PPP6R2: variants seen among roughly 807,000 people sequenced by gnomAD.
PPP6R2 encodes protein phosphatase 6 regulatory subunit 2, also known as serine/threonine-protein phosphatase 6 regulatory subunit 2.
In PPP6R2, 62 loss-of-function variants were observed where a neutral mutation model predicts 100.2. The ratio of observed to expected loss-of-function variants is 0.62; its 90% CI spans 0.50 to 0.76. The LOEUF (loss-of-function observed/expected upper bound fraction) is 0.76, where lower values mean the gene tolerates loss of function less well. Among genes scored for constraint, PPP6R2 ranks in the 30% least tolerant of loss-of-function variants. The pLI is 0.00. For synonymous variants in PPP6R2, 525 were observed against 514.7 expected, an observed-to-expected ratio of 1.02 and a Z score of -0.27; for missense variants, 1,142 against 1,276.3, an observed-to-expected ratio of 0.89 and a Z score of 1.60.
chr22:50,438,416 A>G lies in PPP6R2; in HGVS notation c.1964+118A>G, dbSNP rs1569494228. 4 of 1,501,046 alleles carry G rather than the reference A, an allele frequency of 2.7e-6. No individual in the cohort carries two copies. In the East Asian group the frequency reaches 6.8e-5, roughly 26 times the overall value. 93.0% of individuals were successfully genotyped at this position (1,501,046 alleles called of 1,614,324 possible). A position where few individuals can be genotyped will look rare whatever the true frequency, so the allele number is the denominator to read the frequency against. ...GCAGAGCAGCCACACCTGTCCTGCC[A>G]GCTCTGGGGCCCAATGCAGCGGGTG... On this transcript the variant is annotated intron_variant, in intron 18 of 23. Coordinates refer to ENST00000612753, the MANE Select transcript of PPP6R2 (RefSeq NM_001242898.2).
intron 4 of PPP6R2, 55 bp downstream of exon 4, chr22:50,406,930 C>T (rs941409321): frequency 3.7e-5 from 57 of 1,535,972 alleles, no homozygotes; most frequent in South Asian, 1.4e-4. Context: ...TGGATGCTGA[C>T]GTGTCCTGCT....
At chr22:50,401,363 C>T (rs1379199568) in intron 3 of PPP6R2, among the ~76,000 whole-genome samples, 3 of 151,308 alleles carry the variant, frequency 2.0e-5, no homozygotes, top group Non-Finnish European at 4.4e-5. Context: ...CCCACCACCA[C>T]GCCCGGCTAA....
intron 14 of PPP6R2, among the ~76,000 whole-genome samples, 186 bp downstream of exon 14, chr22:50,436,638 G>A (rs1196130132): frequency 2.6e-5 from 4 of 152,232 alleles, no homozygotes; most frequent in South Asian, 4.1e-4. Context: ...CAGAGACCCC[G>A]TCCTGTGCCA....
chr22:50,415,206 G>T (rs537280264), intron 5 of PPP6R2, among the ~76,000 whole-genome samples: 1 of 152,222 alleles, frequency 6.6e-6, no homozygotes. Flanking sequence ...ATAAGCCCAG[G>T]AAATCCGTGC....
chr22:50,336,538 G>A, the PPP6R2 span, among the ~76,000 whole-genome samples: 1 of 152,068 alleles, frequency 6.6e-6, no homozygotes, highest in African/African-American at 2.4e-5. Flanking sequence ...ACCATGCCCA[G>A]CTAATTTTTG....
At chr22:50,331,510 G>A in the PPP6R2 span, among the ~76,000 whole-genome samples, 5 of 152,018 alleles carry the variant, frequency 3.3e-5, no homozygotes, top group Admixed American at 2.0e-4. Context: ...TCTTGTGGGC[G>A]AGTTTGGCAT....
the PPP6R2 span, among the ~76,000 whole-genome samples, chr22:50,333,985 A>G: frequency 6.6e-6 from 1 of 152,230 alleles, no homozygotes; most frequent in Non-Finnish European, 1.5e-5. Context: ...GAGAGAGGAC[A>G]GGTAACGTCA....
chr22:50,420,331 G>A (rs1178401569), intron 8 of PPP6R2, among the ~76,000 whole-genome samples: 1 of 152,234 alleles, frequency 6.6e-6, no homozygotes, highest in Non-Finnish European at 1.5e-5. Flanking sequence ...TGGCAGAGGA[G>A]AGTGGAGCTT....
At chr22:50,420,126 G>T (rs993842092) in intron 8 of PPP6R2, among the ~76,000 whole-genome samples, 5 of 152,234 alleles carry the variant, frequency 3.3e-5, no homozygotes, top group African/African-American at 1.2e-4. Flanking sequence ...GGACAGCGAG[G>T]GTGATGCAGA....
At chr22:50,437,794 G>A (rs1465750875) in intron 16 of PPP6R2, 49 bp from the exon 17 acceptor site, 3 of 1,538,056 alleles carry the variant, frequency 2.0e-6, no homozygotes, top group Non-Finnish European at 2.6e-6. Flanking sequence ...GGCCCCAGAT[G>A]AGCAGTGGGC....
chr22:50,333,376 G>A, the PPP6R2 span, among the ~76,000 whole-genome samples: 31 of 146,516 alleles, frequency 2.1e-4, no homozygotes, highest in Admixed American at 1.0e-3. Context: ...TCGCTCTGTC[G>A]CCCAGGCTAG....
upstream of PPP6R2, among the ~76,000 whole-genome samples, chr22:50,339,554 GTGGT>G: frequency 7.2e-6 from 1 of 138,156 alleles, no homozygotes; most frequent in Non-Finnish European, 1.6e-5. Context: ...TGGTGTGTGT[GTGGT>G]GTGTGTGGTA....
intron 19 of PPP6R2, among the ~76,000 whole-genome samples, chr22:50,439,247 AG>A (rs2065061799): frequency 1.3e-5 from 2 of 152,046 alleles, no homozygotes; most frequent in Non-Finnish European, 2.9e-5. Context: ...CTCTGTTAGG[AG>A]GGGCTGAGCT....
rs767442534 is a variant in PPP6R2 at position 50,431,129 on chromosome 22, A to G, written c.1126-44A>G. 2 of 1,508,488 alleles carry G rather than the reference A, an allele frequency of 1.3e-6. No individual in the cohort carries two copies. Among genetic ancestry groups the G allele is most frequent in the Non-Finnish European group, 1.8e-6 (2 of 1,090,160 alleles). 93.4% of individuals were successfully genotyped at this position (1,508,488 alleles called of 1,614,324 possible). ...TCAGCTTTGTGGTGTAGCCGGCAGG[A>G]GAAAACCGATCTAAGAACTGTCTTC... On this transcript the variant is annotated intron_variant, in intron 10 of 23. Coordinates refer to ENST00000612753, the MANE Select transcript of PPP6R2 (RefSeq NM_001242898.2). This position sits in a 1 kb window ranked among gnomAD's most constrained non-coding sequence, Gnocchi z 4.8.
chr22:50,429,688 A>C (rs2062797282), intron 10 of PPP6R2, among the ~76,000 whole-genome samples: 1 of 152,194 alleles, frequency 6.6e-6, no homozygotes. Context: ...ACTCTTCTTT[A>C]AATGTTTGGT....
At chr22:50,353,085 G>A (rs1286877642) in intron 1 of PPP6R2, among the ~76,000 whole-genome samples, 3 of 152,118 alleles carry the variant, frequency 2.0e-5, no homozygotes, top group East Asian at 1.9e-4. Context: ...AGCCTTCTCC[G>A]TGTCAGCAAT....
chr22:50,388,130 C>G (rs910868893), intron 2 of PPP6R2, among the ~76,000 whole-genome samples: 1 of 151,454 alleles, frequency 6.6e-6, no homozygotes, highest in African/African-American at 2.4e-5. Flanking sequence ...CAAGACCAGC[C>G]TGGGCAACAT....
chr22:50,340,092 T>A (rs2042355298), upstream of PPP6R2, among the ~76,000 whole-genome samples: 1 of 137,838 alleles, frequency 7.3e-6, no homozygotes, highest in South Asian at 2.4e-4. Flanking sequence ...GTGTGTGGTA[T>A]GTAGTATGTG....
the PPP6R2 span, among the ~76,000 whole-genome samples, chr22:50,331,578 C>T: frequency 1.3e-5 from 2 of 151,230 alleles, no homozygotes; most frequent in South Asian, 4.2e-4. Context: ...TTTGTGTTAG[C>T]TTCTTTAAAA....
Sources: gnomAD v4.1 joint callset for allele counts (sites outside exome capture counted in the v4.1 genomes callset) on GRCh38, gnomAD v4.1.1 for gene constraint, Gnocchi (gnomAD v3.1) non-coding constraint, MANE v1.5 for transcripts, NCBI Gene and HGNC (gene_info 2026-07-23, HGNC 2026-07-21) for gene names.